Variants in THRB observed in about 807,000 individuals in gnomAD.
THRB encodes the protein thyroid hormone receptor beta.
THRB carries 12 observed loss-of-function variants against 47.8 expected under a neutral mutation model. The ratio of observed to expected loss-of-function variants is 0.25; its 90% CI spans 0.16 to 0.41. The LOEUF is 0.41. Ranked by LOEUF, THRB falls within the 10% of genes least tolerant of loss-of-function variation. The pLI, the probability that THRB is intolerant of heterozygous loss-of-function variation, is 1.00. For missense variants in THRB, 348 were observed against 589.2 expected (o/e 0.59, Z 4.24); for synonymous variants, 218 against 212.2 (o/e 1.03, Z -0.24).
chr3:24,283,384 C>T (rs1299125605), intron 3 of THRB, among the ~76,000 whole-genome samples: 4 of 151,976 alleles, frequency 2.6e-5, no homozygotes, highest in African/African-American at 7.2e-5. Flanking sequence ...AATTCAACAA[C>T]ACTTCATGCT....
At chr3:24,182,252 A>G (rs1228153982) in intron 5 of THRB, among the ~76,000 whole-genome samples, 1 of 152,052 alleles carries the variant, frequency 6.6e-6, no homozygotes, top group Non-Finnish European at 1.5e-5. Flanking sequence ...ACCACAATGG[A>G]AGGGCAATGA....
chr3:24,324,932 T>G (rs2058711143), intron 2 of THRB, among the ~76,000 whole-genome samples: 1 of 152,214 alleles, frequency 6.6e-6, no homozygotes, highest in Non-Finnish European at 1.5e-5. Context: ...ATGAGAATTA[T>G]AAAATATGTA....
At chr3:24,126,219 C>T (rs1011554961) in intron 10 of THRB, among the ~76,000 whole-genome samples, 3 of 151,996 alleles carry the variant, frequency 2.0e-5, no homozygotes, top group Admixed American at 1.3e-4. Flanking sequence ...ATAGTGAGAC[C>T]TGTTTCTCTC....
intron 4 of THRB, among the ~76,000 whole-genome samples, chr3:24,211,287 T>C (rs2045999624): frequency 6.6e-6 from 1 of 152,218 alleles, no homozygotes; most frequent in Non-Finnish European, 1.5e-5. Flanking sequence ...GATGTGGTGC[T>C]TGTGATATAT....
At chr3:24,355,438 T>C (rs1047531057) in intron 1 of THRB, among the ~76,000 whole-genome samples, 7 of 152,252 alleles carry the variant, frequency 4.6e-5, no homozygotes, top group Non-Finnish European at 7.4e-5. Context: ...AAAGACATGA[T>C]TGGACAATGG....
intron 3 of THRB, among the ~76,000 whole-genome samples, chr3:24,254,998 C>T (rs2051101403): frequency 6.6e-6 from 1 of 152,182 alleles, no homozygotes; most frequent in Non-Finnish European, 1.5e-5. Flanking sequence ...AGGAAACATA[C>T]TGCACTTATT....
intron 3 of THRB, among the ~76,000 whole-genome samples, chr3:24,239,723 C>T (rs1202718735): frequency 1.3e-5 from 2 of 152,040 alleles, no homozygotes; most frequent in Non-Finnish European, 2.9e-5. Context: ...CAGCTTCTCC[C>T]CTGCTAATAT....
At chr3:24,357,167 G>C (rs1182635306) in intron 1 of THRB, among the ~76,000 whole-genome samples, 1 of 147,072 alleles carries the variant, frequency 6.8e-6, no homozygotes, top group Non-Finnish European at 1.5e-5. Flanking sequence ...GTTTTTTTTT[G>C]TCCCCCAAAA....
chr3:24,201,541 G>A (rs2044598111), intron 4 of THRB, among the ~76,000 whole-genome samples: 1 of 152,014 alleles, frequency 6.6e-6, no homozygotes, highest in Non-Finnish European at 1.5e-5. Flanking sequence ...CTGTTCTAGG[G>A]GCACAGTCTC....
intron 1 of THRB, among the ~76,000 whole-genome samples, chr3:24,413,602 T>C (rs2068498417): frequency 6.6e-6 from 1 of 151,790 alleles, no homozygotes; most frequent in African/African-American, 2.4e-5. Flanking sequence ...AGTTCTAGGG[T>C]ACGTGTACAC....
At chr3:24,462,382 G>A (rs1370206994) in intron 1 of THRB, among the ~76,000 whole-genome samples, 2 of 152,212 alleles carry the variant, frequency 1.3e-5, no homozygotes, top group Non-Finnish European at 2.9e-5. Context: ...CATGTCTCTT[G>A]CTATGAGAAG....
At chr3:24,482,240 G>A (rs780123256) in intron 1 of THRB, among the ~76,000 whole-genome samples, 1 of 152,056 alleles carries the variant, frequency 6.6e-6, no homozygotes, top group Non-Finnish European at 1.5e-5. Context: ...TCCATGTATT[G>A]AGCACTCACC....
intron 1 of THRB, among the ~76,000 whole-genome samples, chr3:24,487,130 T>C (rs1281473807): frequency 6.6e-6 from 1 of 151,800 alleles, no homozygotes. Context: ...TTAGCCAGTG[T>C]TGTATACAAG....
chr3:24,190,032 T>C (rs766988120), intron 5 of THRB, 42 bp downstream of exon 5: 11 of 1,599,440 alleles, frequency 6.9e-6, no homozygotes, highest in Admixed American at 3.3e-5. Flanking sequence ...ATTTTTTTTC[T>C]TGTTGAAACA....
At chr3:24,150,815 T>C (rs2036808947) in intron 6 of THRB, among the ~76,000 whole-genome samples, 1 of 152,218 alleles carries the variant, frequency 6.6e-6, no homozygotes, top group Non-Finnish European at 1.5e-5. Context: ...AGAATCTCAG[T>C]GCTGCAACTA....
intron 1 of THRB, among the ~76,000 whole-genome samples, chr3:24,345,798 T>A (rs944995301): frequency 6.6e-6 from 1 of 152,120 alleles, no homozygotes; most frequent in Admixed American, 6.6e-5. Context: ...AGTGTCAAAC[T>A]GGGACACTTT....
intron 1 of THRB, among the ~76,000 whole-genome samples, chr3:24,482,483 GATTCATTCATTC>G (rs113661840): frequency 2.0e-5 from 3 of 150,446 alleles, no homozygotes; most frequent in Admixed American, 6.6e-5. Flanking sequence ...ACCACTTCCT[GATTCATTCATTC>G]ATTCATTCAT....
chr3:24,129,203 T>G (rs2033428609), intron 9 of THRB, among the ~76,000 whole-genome samples: 1 of 152,188 alleles, frequency 6.6e-6, no homozygotes, highest in Non-Finnish European at 1.5e-5. Context: ...TTCCGCTCAT[T>G]TTTTAAAAAG....
chr3:24,172,213 C>A (rs554287641), intron 5 of THRB, among the ~76,000 whole-genome samples: 1 of 152,074 alleles, frequency 6.6e-6, no homozygotes, highest in African/African-American at 2.4e-5. Context: ...GCTTAAGGCA[C>A]GGATACATAA....
Sources: allele counts gnomAD v4.1 joint callset (sites outside exome capture counted in the v4.1 genomes callset), GRCh38; gene constraint gnomAD v4.1.1; transcripts MANE v1.5; gene names NCBI Gene and HGNC (gene_info 2026-07-23, HGNC 2026-07-21).